Variants in RASGRF2 observed in about 807,000 individuals in gnomAD.
RASGRF2 encodes the protein ras-specific guanine nucleotide-releasing factor 2.
A neutral mutation model predicts 151.0 loss-of-function variants in RASGRF2; 76 were observed. The observed-to-expected ratio is 0.50, with a 90% CI of 0.42 to 0.61. The LOEUF (loss-of-function observed/expected upper bound fraction) is 0.61, where lower values mean the gene tolerates loss of function less well. Among genes scored for constraint, RASGRF2 ranks in the 20% least tolerant of loss-of-function variants. The pLI is 0.00. For missense variants in RASGRF2, 1,148 were observed against 1,564.6 expected, an observed-to-expected ratio of 0.73 and a Z score of 4.49; for synonymous variants, 504 against 566.5, an observed-to-expected ratio of 0.89 and a Z score of 1.57.
At chr5:81,216,426 C>T (rs2112742553) in intron 24 of RASGRF2, among the ~76,000 whole-genome samples, 1 of 151,592 alleles carries the variant, frequency 6.6e-6, no homozygotes, top group Non-Finnish European at 1.5e-5. Flanking sequence ...TTGAGATTCT[C>T]CTGCAACTGG....
At chr5:81,216,475 G>T (rs1018377608) in intron 24 of RASGRF2, among the ~76,000 whole-genome samples, 1 of 151,960 alleles carries the variant, frequency 6.6e-6, no homozygotes. Context: ...GGAAAAACAT[G>T]AGTCCTGTGA....
In RASGRF2 at chr5:81,164,634, C is replaced by A. The variant is rs1254103977; in HGVS notation, c.2687-15541C>A. ...TGGGAAGTTGCATAGAAAATACTTT[C>A]AGAATTTGTGGTTTTCAAAAAGGAC... On this transcript the variant is annotated intron_variant, in intron 17 of 26. Coordinates refer to ENST00000265080, the MANE Select transcript of RASGRF2 (RefSeq NM_006909.3). Among the ~76,000 whole-genome samples, 4 of 152,156 alleles carry A rather than the reference C, an allele frequency of 2.6e-5. No homozygotes were observed. The East Asian group carries it at 7.7e-4, about 29-fold the overall frequency.
intron 17 of RASGRF2, among the ~76,000 whole-genome samples, chr5:81,159,969 T>C (rs1174285222): frequency 6.6e-6 from 1 of 152,186 alleles, no homozygotes; most frequent in African/African-American, 2.4e-5. Context: ...CCCAGGGATC[T>C]TATTATAAGG....
chr5:81,172,203 C>A lies in RASGRF2; in HGVS notation c.2687-7972C>A, dbSNP rs1036477779. ...TATGGGAATTAAAATAAATAATACA[C>A]AAAGGTTCTCAATAAGTTTCATTTT... On this transcript the variant is annotated intron_variant, in intron 17 of 26. Transcript: ENST00000265080. 2.0e-5 allele frequency among the ~76,000 whole-genome samples: 3 copies of A among 152,046 alleles called. No individual in the cohort carries two copies. The East Asian group carries it at 5.8e-4, about 29-fold the overall frequency.
chr5:81,039,185 G>T (rs1394459198), intron 1 of RASGRF2, among the ~76,000 whole-genome samples: 1 of 151,948 alleles, frequency 6.6e-6, no homozygotes, highest in Non-Finnish European at 1.5e-5. Flanking sequence ...TATTCATATG[G>T]TAAGTTATAT....
chr5:81,128,915 G>C (rs1408900326), intron 17 of RASGRF2, among the ~76,000 whole-genome samples: 1 of 151,878 alleles, frequency 6.6e-6, no homozygotes, highest in Non-Finnish European at 1.5e-5. Flanking sequence ...AAGGTGGGCA[G>C]ATCACCCAAG....
chr5:81,058,765 G>A (rs1220196955), intron 2 of RASGRF2, among the ~76,000 whole-genome samples: 3 of 99,794 alleles, frequency 3.0e-5, no homozygotes, highest in Non-Finnish European at 5.5e-5. Context: ...AACAGAGCAA[G>A]GCCCTGTATC....
At chr5:81,180,929 G>C (rs1175001210) in intron 18 of RASGRF2, among the ~76,000 whole-genome samples, 1 of 151,966 alleles carries the variant, frequency 6.6e-6, no homozygotes, top group Non-Finnish European at 1.5e-5. Context: ...GTGCCACTTT[G>C]CCCCCCTGAT....
chr5:81,019,788 C>G (rs1749768378), intron 1 of RASGRF2, among the ~76,000 whole-genome samples: 1 of 152,094 alleles, frequency 6.6e-6, no homozygotes. Context: ...TTAGAAGAAC[C>G]TGCACACAGT....
intron 1 of RASGRF2, among the ~76,000 whole-genome samples, chr5:81,013,387 A>G (rs1749531906): frequency 6.6e-6 from 1 of 152,078 alleles, no homozygotes; most frequent in Non-Finnish European, 1.5e-5. Context: ...GACATATCTC[A>G]GTTCTGTCCT....
chr5:81,110,058 C>A (rs908492498), intron 13 of RASGRF2, among the ~76,000 whole-genome samples: 7 of 152,152 alleles, frequency 4.6e-5, no homozygotes, highest in Non-Finnish European at 8.8e-5. Flanking sequence ...CTTCTGATGG[C>A]TCTATTCTTC....
intron 1 of RASGRF2, among the ~76,000 whole-genome samples, chr5:80,981,492 C>T (rs1240730818): frequency 6.6e-6 from 1 of 152,026 alleles, no homozygotes; most frequent in East Asian, 1.9e-4. Context: ...TCTGAGCACA[C>T]TGGCGTGTAC....
At chr5:81,159,154 G>A (rs894551744) in intron 17 of RASGRF2, among the ~76,000 whole-genome samples, 7 of 152,182 alleles carry the variant, frequency 4.6e-5, no homozygotes, top group African/African-American at 1.7e-4. Context: ...GTGATATATT[G>A]CAAAATGTTC....
intron 17 of RASGRF2, among the ~76,000 whole-genome samples, chr5:81,128,326 T>A (rs1365895093): frequency 6.6e-6 from 1 of 152,206 alleles, no homozygotes; most frequent in Non-Finnish European, 1.5e-5. Context: ...CAGATGTTAG[T>A]TAGCTTGACT....
In RASGRF2 at chr5:81,179,711, G is replaced by A. The variant is rs148459793; in HGVS notation, c.2687-464G>A. On this transcript the variant is annotated intron_variant, in intron 17 of 26. Transcript: ENST00000265080. ...AGCCGTGATGCTGTACTGCTTCTCA[G>A]TACAGGGATGCACAGTAAAGTGTTT... is the stretch of plus-strand genomic sequence containing the variant. Among the ~76,000 whole-genome samples, 133 of 152,298 alleles carry A rather than the reference G, an allele frequency of 8.7e-4. No individual in the cohort carries two copies. In the East Asian group the frequency reaches 9.8e-3, roughly 11 times the overall value.
In RASGRF2 at chr5:81,208,366, G is replaced by A. The variant is rs576436759; in HGVS notation, c.3084G>A (p.Gly1028=). 3.7e-6 allele frequency: 6 copies of A among 1,613,796 alleles called. No homozygotes were observed. In the East Asian group the frequency reaches 8.9e-5, roughly 24 times the overall value. ...TTTGAACTTCCAGGGAGTTTCTTGGGCAGGGGTGGATGAAGCTGGATAAAA... is the reference window on the plus strand; with the variant it reads ...TTTGAACTTCCAGGGAGTTTCTTGGACAGGGGTGGATGAAGCTGGATAAAA... ...FRSIPYEEFL[G]QGWMKLDKNE... The change falls in exon 22 of 27, where the codon GGG becomes GGA. Residue 1028 remains glycine, a synonymous_variant. Transcript: ENST00000265080.
intron 5 of RASGRF2, among the ~76,000 whole-genome samples, chr5:81,077,964 C>T (rs1278579102): frequency 6.6e-6 from 1 of 152,118 alleles, no homozygotes; most frequent in Non-Finnish European, 1.5e-5. Flanking sequence ...ATATGCCTCT[C>T]TTTGGAAGGT....
intron 1 of RASGRF2, among the ~76,000 whole-genome samples, chr5:81,016,041 CAT>C (rs1203171547): frequency 6.6e-6 from 1 of 152,180 alleles, no homozygotes; most frequent in Non-Finnish European, 1.5e-5. Flanking sequence ...CGACTGAACT[CAT>C]ATGTGCGCTC....
intron 1 of RASGRF2, among the ~76,000 whole-genome samples, chr5:80,971,796 C>T (rs1747943716): frequency 6.6e-6 from 1 of 152,230 alleles, no homozygotes; most frequent in Middle Eastern, 3.4e-3. Flanking sequence ...TCTCAACCGC[C>T]TGGGCTCAAG....
Sources: gnomAD v4.1 joint callset for allele counts (sites outside exome capture counted in the v4.1 genomes callset) on GRCh38, gnomAD v4.1.1 for gene constraint, MANE v1.5 for transcripts, NCBI Gene and HGNC (gene_info 2026-07-23, HGNC 2026-07-21) for gene names.